Variants in GNG2 observed in about 807,000 individuals in gnomAD.
GNG2 encodes the protein guanine nucleotide-binding protein G(I)/G(S)/G(O) subunit gamma-2.
GNG2 carries 5 observed loss-of-function variants against 5.5 expected under a neutral mutation model. That is an observed-to-expected ratio of 0.91 (90% CI 0.48 to 1.92). The LOEUF (loss-of-function observed/expected upper bound fraction) is 1.92, where lower values mean the gene tolerates loss of function less well. Among genes scored for constraint, GNG2 ranks in the 30% most tolerant of loss-of-function variants. The pLI is 0.01. For missense variants in GNG2, 55 were observed against 88.4 expected, an observed-to-expected ratio of 0.62 and a Z score of 1.52; for synonymous variants, 28 against 32.0, an observed-to-expected ratio of 0.88 and a Z score of 0.42.
chr14:51,966,428 G>A, intron 3 of GNG2, 131 bp from the exon 4 acceptor site: 8 of 762,530 alleles, frequency 1.0e-5, no homozygotes, highest in Middle Eastern at 3.7e-4. Flanking sequence ...TGAGGAAGCA[G>A]AAGCTTTTAG....
At chr14:51,922,162 T>A (rs1887052595) in intron 2 of GNG2, among the ~76,000 whole-genome samples, 1 of 152,218 alleles carries the variant, frequency 6.6e-6, no homozygotes, top group Non-Finnish European at 1.5e-5. Context: ...TTCAGACTAT[T>A]GTGATTTGGG....
rs146002626 is a variant in GNG2, at chr14:51,887,014, A to G, written c.-30+9357A>G. 4.6e-3 allele frequency among the ~76,000 whole-genome samples: 697 copies of G among 152,324 alleles called. 3 individuals are homozygous for G. Among genetic ancestry groups the G allele is most frequent in the Non-Finnish European group, 7.1e-3 (483 of 68,022 alleles). On this transcript the variant is annotated intron_variant, in intron 2 of 3. Coordinates refer to ENST00000556766, the MANE Select transcript of GNG2 (RefSeq NM_053064.5). ...AGATAACTTACAAAAACTTGTTTAA[A>G]CCAGCTTTCACATTTTTATTAATTT...
In GNG2 at chr14:51,939,267, T is replaced by G. The variant is rs116504909; in HGVS notation, c.-29-11383T>G. On this transcript the variant is annotated intron_variant, in intron 2 of 3. Transcript: ENST00000556766. Reference sequence around the variant, plus strand: ...AAAAACTAAAAGCTTACATGTCATTTTAAAGTTGCAACATGGCCTATTCGT... The same window carrying G: ...AAAAACTAAAAGCTTACATGTCATTGTAAAGTTGCAACATGGCCTATTCGT... Among the ~76,000 whole-genome samples the G allele has an allele frequency of 6.8e-3, 1,041 of 152,366 alleles. 14 individuals carry two copies. Among genetic ancestry groups the G allele is most frequent in the African/African-American group, 0.024 (989 of 41,582 alleles).
chr14:51,831,915 T>G (rs1324047267), intron 2 of GNG2, among the ~76,000 whole-genome samples: 1 of 152,250 alleles, frequency 6.6e-6, no homozygotes, highest in Non-Finnish European at 1.5e-5. Context: ...AGTATTATTT[T>G]CAAAATTTAA....
intron 1 of GNG2, among the ~76,000 whole-genome samples, chr14:51,875,241 T>A (rs972324698): frequency 6.6e-6 from 1 of 152,258 alleles, no homozygotes; most frequent in Non-Finnish European, 1.5e-5. Flanking sequence ...ATGAGGTTTC[T>A]CTTGCTTTCA....
intron 2 of GNG2, among the ~76,000 whole-genome samples, chr14:51,927,857 G>GT (rs1413141312): frequency 2.7e-5 from 4 of 150,756 alleles, no homozygotes; most frequent in Non-Finnish European, 5.9e-5. Context: ...TCTTCTGGTG[G>GT]TTTGTTGTTG....
At chr14:51,831,866 TG>T (rs1195840273) in intron 2 of GNG2, among the ~76,000 whole-genome samples, 29 of 152,332 alleles carry the variant, frequency 1.9e-4, no homozygotes, top group African/African-American at 5.5e-4. Context: ...TTATAAAATA[TG>T]CAGCATAATT....
At chr14:51,847,645 T>A (rs1881680290) in intron 2 of GNG2, among the ~76,000 whole-genome samples, 1 of 152,042 alleles carries the variant, frequency 6.6e-6, no homozygotes, top group African/African-American at 2.4e-5. Flanking sequence ...TGGTGTAGAA[T>A]CTTCCACCTA....
At chr14:51,838,263 G>T (rs1881391386) in intron 2 of GNG2, among the ~76,000 whole-genome samples, 1 of 152,162 alleles carries the variant, frequency 6.6e-6, no homozygotes, top group African/African-American at 2.4e-5. Context: ...GGCCAGCATG[G>T]TGAAACCCCA....
Position 51,955,494 on chromosome 14 carries a change from A to C in GNG2, c.87+4729A>C, listed in dbSNP as rs563049829. 2.2e-4 allele frequency among the ~76,000 whole-genome samples: 34 copies of C among 152,304 alleles called. No individual in the cohort carries two copies. The South Asian group carries it at 5.4e-3, about 24-fold the overall frequency. On this transcript the variant is annotated intron_variant, in intron 3 of 3. Transcript: ENST00000556766. ...AAGACCATGTTGTCTACTTGTTTGCATCTTTCATGGTACTGGGGTACACAA... is the reference window on the plus strand; with the variant it reads ...AAGACCATGTTGTCTACTTGTTTGCCTCTTTCATGGTACTGGGGTACACAA...
chr14:51,963,722 T>C (rs1889743293), intron 3 of GNG2, among the ~76,000 whole-genome samples: 1 of 152,228 alleles, frequency 6.6e-6, no homozygotes, highest in Non-Finnish European at 1.5e-5. Context: ...GCTGTGTGCT[T>C]TGCTCTATGA....
chr14:51,955,621 A>G (rs1019700052), intron 3 of GNG2, among the ~76,000 whole-genome samples: 3 of 152,230 alleles, frequency 2.0e-5, no homozygotes, highest in Non-Finnish European at 2.9e-5. Context: ...TCCCAGTTAC[A>G]TTTATGGACT....
intron 2 of GNG2, among the ~76,000 whole-genome samples, chr14:51,834,437 A>G (rs1881280604): frequency 1.3e-5 from 2 of 152,136 alleles, no homozygotes; most frequent in Admixed American, 1.3e-4. Context: ...GTGACAGAAA[A>G]CAGAGCTTGT....
chr14:51,938,161 C>G (rs8010820), intron 2 of GNG2, among the ~76,000 whole-genome samples: 16,515 of 152,174 alleles, frequency 0.11, 1,736 homozygotes, highest in East Asian at 0.41. Context: ...TTAATAGGTT[C>G]TTCATGAAAG....
chr14:51,847,908 T>G (rs1225228822), intron 2 of GNG2, among the ~76,000 whole-genome samples: 1 of 66,206 alleles, frequency 1.5e-5, no homozygotes, highest in African/African-American at 4.3e-5. Context: ...TTTTTTTTTT[T>G]GTAAAATGAA....
intron 2 of GNG2, among the ~76,000 whole-genome samples, chr14:51,842,546 AC>A (rs1881512551): frequency 6.6e-6 from 1 of 152,112 alleles, no homozygotes; most frequent in Admixed American, 6.5e-5. Flanking sequence ...CTGAGGTCCC[AC>A]CCCAGTGGTC....
intron 2 of GNG2, among the ~76,000 whole-genome samples, chr14:51,836,668 C>T (rs10142336): frequency 0.025 from 3,735 of 151,708 alleles, 145 homozygotes; most frequent in African/African-American, 0.086. Flanking sequence ...TGTACTTCTC[C>T]TTCCCCTACT....
chr14:51,852,608 G>A (rs185261995), intron 2 of GNG2, among the ~76,000 whole-genome samples: 16 of 152,290 alleles, frequency 1.1e-4, no homozygotes, highest in East Asian at 3.9e-4. Flanking sequence ...ATAGTAATTC[G>A]CTAAGGAATC....
intron 2 of GNG2, among the ~76,000 whole-genome samples, chr14:51,917,918 C>G (rs1056873851): frequency 6.6e-6 from 1 of 150,944 alleles, no homozygotes; most frequent in Admixed American, 6.6e-5. Context: ...CCCAGCTACT[C>G]GGGAGGCTGA....
Sources: allele counts gnomAD v4.1 joint callset (sites outside exome capture counted in the v4.1 genomes callset), GRCh38; gene constraint gnomAD v4.1.1; transcripts MANE v1.5; gene names NCBI Gene and HGNC (gene_info 2026-07-23, HGNC 2026-07-21).